LYPD8: variants seen among roughly 807,000 people sequenced by gnomAD.
LYPD8 encodes the protein LY6/PLAUR domain containing 8, also known as ly6/PLAUR domain-containing protein 8.
A neutral mutation model predicts 1.7 loss-of-function variants in LYPD8; 8 were observed. That is an observed-to-expected ratio of 4.58 (90% CI 2.69 to 8.27). LYPD8 has a LOEUF of 8.27. Ranked by LOEUF, LYPD8 falls within the 30% of genes most tolerant of loss-of-function variation. The pLI is 0.00. For synonymous variants in LYPD8, 50 were observed against 43.6 expected (o/e 1.15, Z -0.58); for missense variants, 112 against 102.3 (o/e 1.09, Z -0.41).
chr1:248,743,397 G>A (rs111548800), intron 6 of LYPD8, among the ~76,000 whole-genome samples: 1,702 of 152,164 alleles, frequency 0.011, 20 homozygotes, highest in Middle Eastern at 0.054. Context: ...CCCAGGAGAC[G>A]GAGGTTGCAG....
At chr1:248,741,066 A>G (rs1222083901) in intron 6 of LYPD8, among the ~76,000 whole-genome samples, 2 of 152,180 alleles carry the variant, frequency 1.3e-5, no homozygotes, top group Non-Finnish European at 2.9e-5. Flanking sequence ...TGAGTCAGTG[A>G]TCGCACCCCT....
chr1:248,753,651 A>AC (rs1662873667), intron 2 of LYPD8, among the ~76,000 whole-genome samples: 1 of 118,192 alleles, frequency 8.5e-6, no homozygotes. Flanking sequence ...CATATACATC[A>AC]CACACCACAC....
chr1:248,753,162 C>G (rs1181351504), intron 2 of LYPD8, among the ~76,000 whole-genome samples: 1 of 114,186 alleles, frequency 8.8e-6, no homozygotes, highest in Non-Finnish European at 1.8e-5. Flanking sequence ...ACCCCACACA[C>G]CACACACACC....
chr1:248,755,212 A>G (rs2103176057), intron 2 of LYPD8, 27 bp downstream of exon 2: 1 of 152,410 alleles, frequency 6.6e-6, no homozygotes, highest in East Asian at 1.9e-4. Flanking sequence ...GGACCAGTGA[A>G]GCTGGGGCTC....
chr1:248,750,538 G>A lies in LYPD8; in HGVS notation c.158C>T (p.Ala53Val), dbSNP rs1662783322. The A allele has an allele frequency of 2.5e-6, 1 of 398,542 alleles. No individual in the cohort carries two copies. Among genetic ancestry groups the A allele is most frequent in the Non-Finnish European group, 4.4e-6 (1 of 226,104 alleles). The allele number at this position is 398,542 out of a possible 1,614,324, so 24.7% of individuals were successfully genotyped here. The change falls in exon 4 of 7, where the codon GCC becomes GTC. Residue 53 changes from alanine (A) to valine (V), a missense_variant. Coordinates refer to ENST00000590317, the MANE Select transcript of LYPD8 (RefSeq NM_001085474.2). ...CCCAGGCTCACCTAGAGAGGAGCTG[G>A]CTGAGGAGCTGATACAGCTGGTGTT... is the stretch of plus-strand genomic sequence containing the variant. Reference protein sequence around the residue: ...HANTSCISSSASSSLETPVRL... With the variant: ...HANTSCISSSVSSSLETPVRL...
At position 248,745,258 on chromosome 1, in the gene LYPD8, G is replaced by C. The variant is rs1446095437; in HGVS notation, c.359C>G (p.Ser120Cys). The change falls in exon 6 of 7, where the codon TCC becomes TGC. Residue 120 changes from serine (S) to cysteine (C), a missense_variant. Ser to Cys is a moderately radical substitution (Grantham distance 112, BLOSUM62 -1). Transcript: ENST00000590317. ...ACAAGCAGGGCACTCTGCGTTGCTGGACACGTTCTTCAGGGGAGGGTCTGG... is the reference window on the plus strand; with the variant it reads ...ACAAGCAGGGCACTCTGCGTTGCTGCACACGTTCTTCAGGGGAGGGTCTGG... The part of the protein sequence containing the change: ...DALDPPLKNV[S>C]SNAECPACYE... The C allele has an allele frequency of 7.5e-6, 3 of 398,480 alleles. No homozygotes were observed. The highest frequency in any genetic ancestry group is 6.2e-5 in the African/African-American group (3 of 48,624). 24.7% of individuals were successfully genotyped at this position (398,480 alleles called of 1,614,324 possible). A position where few individuals can be genotyped will look rare whatever the true frequency, so the allele number is the denominator to read the frequency against.
intron 2 of LYPD8, among the ~76,000 whole-genome samples, chr1:248,752,576 CA>C (rs1662817382): frequency 7.0e-6 from 1 of 142,912 alleles, no homozygotes; most frequent in African/African-American, 2.6e-5. Context: ...TGAACACACA[CA>C]TCACACACAC....
At chr1:248,740,363 G>A (rs545140677) in intron 6 of LYPD8, among the ~76,000 whole-genome samples, 6 of 152,338 alleles carry the variant, frequency 3.9e-5, no homozygotes, top group Admixed American at 3.9e-4. Flanking sequence ...CCACCAGGAG[G>A]CATATAAGAG....
chr1:248,746,410 G>C (rs1385640358), intron 5 of LYPD8, among the ~76,000 whole-genome samples: 2 of 152,200 alleles, frequency 1.3e-5, no homozygotes, highest in Non-Finnish European at 2.9e-5. Flanking sequence ...TTTGTTTCCT[G>C]TGTAATTGCT....
At chr1:248,746,444 C>T (rs1208288862) in intron 5 of LYPD8, among the ~76,000 whole-genome samples, 6 of 152,190 alleles carry the variant, frequency 3.9e-5, no homozygotes, top group African/African-American at 1.4e-4. Flanking sequence ...TAATGCCATC[C>T]GGATATACAC....
intron 6 of LYPD8, among the ~76,000 whole-genome samples, chr1:248,741,358 C>G (rs954998295): frequency 6.6e-6 from 1 of 152,188 alleles, no homozygotes; most frequent in African/African-American, 2.4e-5. Flanking sequence ...AGGCGCGTGC[C>G]ACCACATCTG....
chr1:248,743,138 G>A (rs1558206202), intron 6 of LYPD8, among the ~76,000 whole-genome samples: 1 of 151,766 alleles, frequency 6.6e-6, no homozygotes, highest in Admixed American at 6.6e-5. Context: ...AAACTACTCT[G>A]AAAAAAAATG....
chr1:248,753,435 CAACACAACA>C (rs1662865521), intron 2 of LYPD8, among the ~76,000 whole-genome samples: 1 of 110,158 alleles, frequency 9.1e-6, no homozygotes, highest in Non-Finnish European at 1.8e-5. Flanking sequence ...ACAACACACA[CAACACAACA>C]CACACAACAC....
chr1:248,743,349 C>T (rs1020285487), intron 6 of LYPD8, among the ~76,000 whole-genome samples: 2 of 152,086 alleles, frequency 1.3e-5, no homozygotes, highest in African/African-American at 4.8e-5. Context: ...TGTATAATCC[C>T]AGCTACCCAG....
At position 248,739,495 on chromosome 1, in the gene LYPD8, C is replaced by T. The variant is rs1662543336; in HGVS notation, c.*116G>A. 4 of 1,418,160 alleles carry T rather than the reference C, an allele frequency of 2.8e-6. No individual in the cohort carries two copies. The highest frequency in any genetic ancestry group is 2.5e-5 in the East Asian group (1 of 40,074). 87.8% of individuals were successfully genotyped at this position (1,418,160 alleles called of 1,614,324 possible). Reference sequence around the variant, plus strand: ...ATTGCCTGGAGACCTGTGACTCCCACTTACTGGGCAGTTAAACGGGGCAGA... The same window carrying T: ...ATTGCCTGGAGACCTGTGACTCCCATTTACTGGGCAGTTAAACGGGGCAGA... On this transcript the variant is annotated 3_prime_UTR_variant, in exon 7 of 7. Transcript: ENST00000590317. This position sits in a 1 kb window ranked among gnomAD's most constrained non-coding sequence, Gnocchi z 4.3.
At chr1:248,746,356 A>C (rs1230381044) in intron 5 of LYPD8, among the ~76,000 whole-genome samples, 3 of 152,214 alleles carry the variant, frequency 2.0e-5, no homozygotes, top group Non-Finnish European at 4.4e-5. Context: ...GTCTGTCTTC[A>C]CTAAGAAAGA....
chr1:248,739,842 C>G lies in LYPD8; in HGVS notation c.483G>C (p.Glu161Asp), dbSNP rs1662556123. The G allele has an allele frequency of 3.9e-5, 60 of 1,551,622 alleles. No homozygotes were observed. The highest frequency in any genetic ancestry group is 5.1e-5 in the Non-Finnish European group (59 of 1,147,006). Residue 161 changes from glutamate to aspartate, a missense_variant, in exon 7 of 7, where the codon GAG (glutamate) becomes GAC (aspartate). Physicochemically the swap from Glu to Asp is conservative, Grantham distance 45. Transcript: ENST00000590317. The surrounding 1 kb of genome is among the most constrained non-coding windows in gnomAD (Gnocchi z 4.3). ...AGCCTTTCAGCACGAGACTCTTAGA[C>G]TCAATGTCTGTGAATGCAAAGGAGA... ...FLVAELKNDIESKSLVLKGCS... is the reference protein window; with the variant it reads ...FLVAELKNDIDSKSLVLKGCS...
intron 6 of LYPD8, among the ~76,000 whole-genome samples, chr1:248,744,602 CGTCAAATGTGGATCTCACAATGGGTAGT>C (rs1248937732): frequency 0.062 from 8,147 of 130,458 alleles, 126 homozygotes; most frequent in East Asian, 0.21. Flanking sequence ...CAATGGGTAG[CGTCAAATGTGGATCTCACAATGGGTAGT>C]GTCAAATGTG....
In LYPD8 at chr1:248,739,781, A is replaced by G; in HGVS notation, c.544T>C (p.Ser182Pro). The G allele has an allele frequency of 6.4e-7, 1 of 1,551,734 alleles. No individual in the cohort carries two copies. The highest frequency in any genetic ancestry group is 8.7e-7 in the Non-Finnish European group (1 of 1,146,980). ...CCTCCAAGAGTCTTGTTTTCACCAGACAGGAACTGACAGGTGGCGTTACTG... is the reference window on the plus strand; with the variant it reads ...CCTCCAAGAGTCTTGTTTTCACCAGGCAGGAACTGACAGGTGGCGTTACTG... ...NVSNATCQFL[S>P]GENKTLGGVI... The change falls in exon 7 of 7, where the codon TCT becomes CCT. Residue 182 changes from serine to proline, a missense_variant. Coordinates refer to ENST00000590317, the MANE Select transcript of LYPD8 (RefSeq NM_001085474.2). This position sits in a 1 kb window ranked among gnomAD's most constrained non-coding sequence, Gnocchi z 4.3.
Sources: allele counts gnomAD v4.1 joint callset (sites outside exome capture counted in the v4.1 genomes callset), GRCh38; gene constraint gnomAD v4.1.1; non-coding constraint Gnocchi (gnomAD v3.1); transcripts MANE v1.5; gene names NCBI Gene and HGNC (gene_info 2026-07-23, HGNC 2026-07-21).